EPHA6: variants seen among roughly 807,000 people sequenced by gnomAD.
The protein encoded by EPHA6 is ephrin type-A receptor 6.
In EPHA6, 50 loss-of-function variants were observed where a neutral mutation model predicts 112.0. The ratio of observed to expected loss-of-function variants is 0.45; its 90% CI spans 0.36 to 0.56. The LOEUF (loss-of-function observed/expected upper bound fraction) is 0.56. Ranked by LOEUF, EPHA6 falls within the 20% of genes least tolerant of loss-of-function variation. The pLI, the probability that EPHA6 is intolerant of heterozygous loss-of-function variation, is 0.00. For synonymous variants in EPHA6, 529 were observed against 490.7 expected (o/e 1.08, Z -1.03); for missense variants, 1,280 against 1,417.4 (o/e 0.90, Z 1.56).
chr3:97,408,243 T>A (rs1462172928), intron 6 of EPHA6, among the ~76,000 whole-genome samples: 1 of 151,964 alleles, frequency 6.6e-6, no homozygotes, highest in Non-Finnish European at 1.5e-5. Context: ...ACTGTTACAA[T>A]GACAATTAAA....
chr3:97,579,853 G>C (rs1329556055), intron 11 of EPHA6, among the ~76,000 whole-genome samples: 1 of 151,874 alleles, frequency 6.6e-6, no homozygotes, highest in African/African-American at 2.4e-5. Context: ...AAATGGCTTA[G>C]CCCCTTAAAA....
intron 10 of EPHA6, among the ~76,000 whole-genome samples, chr3:97,504,474 G>A (rs931418152): frequency 2.0e-5 from 3 of 152,200 alleles, no homozygotes; most frequent in South Asian, 2.1e-4. Flanking sequence ...TAGTGTGCAT[G>A]TGGGCCCTTA....
At chr3:97,297,334 A>G (rs13081170) in intron 5 of EPHA6, among the ~76,000 whole-genome samples, 11,970 of 152,242 alleles carry the variant, frequency 0.079, 725 homozygotes, top group Non-Finnish European at 0.12. Flanking sequence ...TATTTTAAGC[A>G]TGCTTACTTA....
In EPHA6 at chr3:97,502,080, C is replaced by T. The variant is rs181232231; in HGVS notation, c.2200+18021C>T. 1.7e-3 allele frequency among the ~76,000 whole-genome samples: 252 copies of T among 151,220 alleles called. 4 individuals are homozygous for T. The highest frequency in any genetic ancestry group is 5.6e-3 in the African/African-American group (229 of 41,076). ...ACGTACCACAGAGAAAGAGTATTTG[C>T]GATTCAGAAGAGATATGTAGGACAA... On this transcript the variant is annotated intron_variant, in intron 10 of 17. Coordinates refer to ENST00000389672, the MANE Select transcript of EPHA6 (RefSeq NM_001080448.3).
chr3:97,518,146 T>C (rs1340926796), intron 10 of EPHA6, among the ~76,000 whole-genome samples: 1 of 152,144 alleles, frequency 6.6e-6, no homozygotes, highest in East Asian at 1.9e-4. Context: ...TAATTCTATT[T>C]ATCTTGAGGA....
At chr3:97,478,561 A>G (rs950720174) in intron 8 of EPHA6, among the ~76,000 whole-genome samples, 2 of 151,498 alleles carry the variant, frequency 1.3e-5, no homozygotes, top group Non-Finnish European at 2.9e-5. Context: ...CATGCAATGA[A>G]GAGAACAATT....
intron 3 of EPHA6, among the ~76,000 whole-genome samples, chr3:97,113,902 A>G (rs2047803249): frequency 6.6e-6 from 1 of 152,164 alleles, no homozygotes; most frequent in Non-Finnish European, 1.5e-5. Context: ...GTTATGAGAG[A>G]TATAGTGAGG....
At chr3:97,672,454 TG>T (rs1047637133) in intron 14 of EPHA6, among the ~76,000 whole-genome samples, 1 of 151,346 alleles carries the variant, frequency 6.6e-6, no homozygotes, top group Non-Finnish European at 1.5e-5. Context: ...TTGGTGGGAG[TG>T]GGGGGTGGTG....
At position 96,930,547 on chromosome 3, in the gene EPHA6, C is replaced by G. The variant is rs552624008; in HGVS notation, c.451-56783C>G. On this transcript the variant is annotated intron_variant, in intron 2 of 17. Transcript: ENST00000389672. ...GGTATCATAATTGAAGGCTGTGAAA[C>G]AGCAAACATTGTAGCCTCCTCCTTC... Among the ~76,000 whole-genome samples, 5 of 152,272 alleles carry G rather than the reference C, an allele frequency of 3.3e-5. No homozygotes were observed. The South Asian group carries it at 1.0e-3, about 32-fold the overall frequency.
intron 3 of EPHA6, among the ~76,000 whole-genome samples, chr3:97,093,458 G>A (rs534202079): frequency 9.2e-5 from 14 of 152,224 alleles, no homozygotes; most frequent in African/African-American, 3.4e-4. Flanking sequence ...GCTGAGGCAT[G>A]AGAATTGCTT....
intron 11 of EPHA6, among the ~76,000 whole-genome samples, chr3:97,547,617 CAGAGG>C (rs1417987273): frequency 6.6e-6 from 1 of 152,176 alleles, no homozygotes; most frequent in Non-Finnish European, 1.5e-5. Context: ...TTTAAGTCTG[CAGAGG>C]TTACTGCTGT....
rs1576320517 is a variant in EPHA6 at position 97,012,722 on chromosome 3, GTA to G, written c.1114+24730_1114+24731del. 2.0e-5 allele frequency among the ~76,000 whole-genome samples: 3 copies of G among 149,824 alleles called. No individual in the cohort carries two copies. In the East Asian group the frequency reaches 5.9e-4, roughly 30 times the overall value. On this transcript the variant is annotated intron_variant, in intron 3 of 17. Transcript: ENST00000389672. ...CAATCTGCCCCCCTCGGCCTCTCAA[GTA>G]CTGGGATTACAGGTATGAGCCACCA...
At chr3:97,003,963 G>A (rs191254516) in intron 3 of EPHA6, among the ~76,000 whole-genome samples, 70 of 152,204 alleles carry the variant, frequency 4.6e-4, no homozygotes, top group African/African-American at 1.7e-3. Flanking sequence ...CCCTGCAAAG[G>A]ACATGGTCTC....
intron 1 of EPHA6, among the ~76,000 whole-genome samples, chr3:96,823,585 G>T (rs75725650): frequency 0.021 from 3,214 of 151,848 alleles, 126 homozygotes; most frequent in African/African-American, 0.073. Flanking sequence ...ATTAGTAGTT[G>T]CCATGAAGTG....
intron 14 of EPHA6, among the ~76,000 whole-genome samples, chr3:97,649,452 T>C (rs1417015130): frequency 2.6e-5 from 4 of 151,912 alleles, no homozygotes; most frequent in Non-Finnish European, 5.9e-5. Context: ...AAAAGCTACA[T>C]ATAGCAGCAT....
chr3:97,509,884 C>G (rs576771312), intron 10 of EPHA6, among the ~76,000 whole-genome samples: 2 of 152,048 alleles, frequency 1.3e-5, no homozygotes, highest in African/African-American at 4.8e-5. Flanking sequence ...TTTGTTCATT[C>G]CTTTTCATTA....
chr3:97,751,826 T>C lies in EPHA6; in HGVS notation c.*3125T>C, dbSNP rs1377313549. ...ACTTTATTTTAAATGTCTTGATCTA[T>C]GCTACTGAGGGGGTGTTTTGGATTT... On this transcript the variant is annotated 3_prime_UTR_variant, in exon 18 of 18. Transcript: ENST00000389672. Among the ~76,000 whole-genome samples, 4 of 152,282 alleles carry C rather than the reference T, an allele frequency of 2.6e-5. No individual in the cohort carries two copies. The highest frequency in any genetic ancestry group is 9.6e-5 in the African/African-American group (4 of 41,576).
At chr3:97,592,428 C>A (rs2093553537) in intron 11 of EPHA6, among the ~76,000 whole-genome samples, 184 bp from the exon 12 acceptor site, 1 of 151,712 alleles carries the variant, frequency 6.6e-6, no homozygotes, top group Non-Finnish European at 1.5e-5. Context: ...GAGTAGCTTT[C>A]TTTTCAAGAA....
At chr3:97,000,300 T>C (rs539012267) in intron 3 of EPHA6, among the ~76,000 whole-genome samples, 4 of 149,794 alleles carry the variant, frequency 2.7e-5, no homozygotes, top group Non-Finnish European at 5.9e-5. Flanking sequence ...CACATATATA[T>C]AGCCATATAT....
Sources: allele counts gnomAD v4.1 joint callset (sites outside exome capture counted in the v4.1 genomes callset), GRCh38; gene constraint gnomAD v4.1.1; transcripts MANE v1.5; gene names NCBI Gene and HGNC (gene_info 2026-07-23, HGNC 2026-07-21).